Variants in C2CD3 observed in about 807,000 individuals in gnomAD.
C2CD3 encodes the protein C2 domain-containing protein 3.
A neutral mutation model predicts 234.0 loss-of-function variants in C2CD3; 148 were observed. That is an observed-to-expected ratio of 0.63 (90% CI 0.55 to 0.72). The LOEUF is 0.72. C2CD3 is among the 30% of genes least tolerant of loss of function. The pLI, the probability that C2CD3 is intolerant of heterozygous loss-of-function variation, is 0.00. For synonymous variants in C2CD3, 1,000 were observed against 1,035.4 expected (o/e 0.97, Z 0.66); for missense variants, 2,577 against 2,811.5 (o/e 0.92, Z 1.89).
intron 1 of C2CD3, among the ~76,000 whole-genome samples, chr11:74,169,976 C>A (rs1000898592): frequency 6.6e-6 from 1 of 152,138 alleles, no homozygotes; most frequent in Non-Finnish European, 1.5e-5. Context: ...TGTCCTTTTT[C>A]CCTTCGAGGC....
intron 2 of C2CD3, among the ~76,000 whole-genome samples, chr11:74,163,801 A>G (rs187766240): frequency 6.6e-6 from 1 of 152,358 alleles, no homozygotes; most frequent in East Asian, 1.9e-4. Context: ...TCTGAAAGTC[A>G]TATGAGCAAA....
chr11:74,148,394 ATATCT>A (rs1473680992), intron 3 of C2CD3, among the ~76,000 whole-genome samples: 1 of 151,636 alleles, frequency 6.6e-6, no homozygotes, highest in Non-Finnish European at 1.5e-5. Flanking sequence ...ATATACATAA[ATATCT>A]TATATATGTA....
chr11:74,149,369 T>A lies in C2CD3; in HGVS notation c.484-9541A>T, dbSNP rs539225076. ...CTCATTTGCTTAGTTAAAAAAAAAA[T>A]TTTTTTTTCTTTTTAGAGATCAGGT... On this transcript the variant is annotated intron_variant, in intron 3 of 32. Coordinates refer to ENST00000334126, the MANE Select transcript of C2CD3 (RefSeq NM_001286577.2). 3.9e-5 allele frequency among the ~76,000 whole-genome samples: 6 copies of A among 152,004 alleles called. No individual in the cohort carries two copies. In the East Asian group the frequency reaches 5.8e-4, roughly 15 times the overall value.
intron 22 of C2CD3, among the ~76,000 whole-genome samples, chr11:74,083,046 T>A (rs1955463537): frequency 6.6e-6 from 1 of 152,142 alleles, no homozygotes; most frequent in Non-Finnish European, 1.5e-5. Context: ...CAAACTATAC[T>A]ACAAGGCTAC....
At chr11:74,117,913 CAAAA>C (rs1262165951) in intron 9 of C2CD3, among the ~76,000 whole-genome samples, 2 of 65,980 alleles carry the variant, frequency 3.0e-5, no homozygotes. Flanking sequence ...AACTCCGTCT[CAAAA>C]AAAAAAAAAA....
intron 1 of C2CD3, among the ~76,000 whole-genome samples, chr11:74,169,999 A>T (rs754328762): frequency 3.3e-5 from 5 of 152,054 alleles, no homozygotes; most frequent in Non-Finnish European, 7.4e-5. Context: ...TCTTGTAGAG[A>T]TTCAATGTCA....
chr11:74,081,684 C>T (rs947732310), intron 22 of C2CD3, among the ~76,000 whole-genome samples: 4 of 152,164 alleles, frequency 2.6e-5, no homozygotes, highest in Non-Finnish European at 5.9e-5. Context: ...AGTATAATGT[C>T]TTGAGCTTCT....
At chr11:74,157,499 T>C (rs1856112943) in intron 3 of C2CD3, among the ~76,000 whole-genome samples, 1 of 152,188 alleles carries the variant, frequency 6.6e-6, no homozygotes, top group South Asian at 2.1e-4. Flanking sequence ...TAAATGAGAA[T>C]AGGATAAAAA....
chr11:74,044,918 G>A (rs1953287651), intron 28 of C2CD3, among the ~76,000 whole-genome samples: 1 of 151,608 alleles, frequency 6.6e-6, no homozygotes, highest in South Asian at 2.1e-4. Context: ...GGCTGTGAGA[G>A]TTTTTAATTT....
intron 23 of C2CD3, among the ~76,000 whole-genome samples, chr11:74,076,657 C>A (rs1955055090): frequency 6.6e-6 from 1 of 152,222 alleles, no homozygotes; most frequent in Admixed American, 6.5e-5. Flanking sequence ...ACTTCCCAAT[C>A]TATGTATCCT....
intron 24 of C2CD3, among the ~76,000 whole-genome samples, chr11:74,060,763 C>A (rs989993735): frequency 1.3e-5 from 2 of 152,190 alleles, no homozygotes; most frequent in South Asian, 4.1e-4. Flanking sequence ...CAAAGTTGGA[C>A]GGAGAATGAC....
At chr11:74,127,229 A>G (rs567902277) in intron 7 of C2CD3, among the ~76,000 whole-genome samples, 56 of 151,558 alleles carry the variant, frequency 3.7e-4, no homozygotes, top group Non-Finnish European at 6.8e-4. Flanking sequence ...CTGGTCTTGA[A>G]CTCCTGAGCT....
chr11:74,013,598 A>G, intron 32 of C2CD3, 73 bp from the exon 33 acceptor site: 2 of 961,194 alleles, frequency 2.1e-6, no homozygotes, highest in Non-Finnish European at 2.7e-6. Context: ...GGTTTCTCTC[A>G]TCTTTTGGTC....
At chr11:74,056,441 G>A (rs1175949464) in intron 25 of C2CD3, among the ~76,000 whole-genome samples, 1 of 152,002 alleles carries the variant, frequency 6.6e-6, no homozygotes, top group African/African-American at 2.4e-5. Context: ...CCTATTTTTT[G>A]AGCCTCCCAA....
chr11:74,026,300 C>A (rs1019276722), intron 32 of C2CD3, among the ~76,000 whole-genome samples: 1 of 150,130 alleles, frequency 6.7e-6, no homozygotes, highest in South Asian at 2.1e-4. Flanking sequence ...GTGTGAGACC[C>A]TGTCTCAAGG....
chr11:74,077,040 A>G (rs556475931), intron 23 of C2CD3, among the ~76,000 whole-genome samples: 14 of 152,150 alleles, frequency 9.2e-5, no homozygotes, highest in Non-Finnish European at 1.8e-4. Context: ...CAAATGTTTG[A>G]AAGAAAAGCA....
intron 28 of C2CD3, among the ~76,000 whole-genome samples, chr11:74,047,532 T>C (rs1202166519): frequency 1.3e-5 from 2 of 152,216 alleles, no homozygotes; most frequent in South Asian, 2.1e-4. Flanking sequence ...TAGAAAACTA[T>C]GTAGCCCTGA....
chr11:74,054,619 A>G lies in C2CD3; in HGVS notation c.5143T>C (p.Trp1715Arg), dbSNP rs745530467. ...DPQQTLVFKV[W>R]HKGDEERVIG... ...ACAGAGTTCATACCTCCTTTATGCC[A>G]AACTTTGAAGACCAGGGTTTGTTGT... The change falls in exon 26 of 33, where the codon TGG becomes CGG. Residue 1715 changes from tryptophan (W) to arginine (R), a missense_variant. Trp to Arg is a moderately radical substitution (Grantham distance 101). Transcript: ENST00000334126. The G allele has an allele frequency of 2.2e-5, 35 of 1,610,576 alleles. No homozygotes were observed. Among genetic ancestry groups the G allele is most frequent in the Non-Finnish European group, 2.9e-5 (34 of 1,177,996 alleles).
At chr11:74,059,566 G>A (rs1954129015) in intron 24 of C2CD3, among the ~76,000 whole-genome samples, 1 of 151,994 alleles carries the variant, frequency 6.6e-6, no homozygotes, top group African/African-American at 2.4e-5. Context: ...CTGTCCCTCT[G>A]GACAGAAAGC....
Sources: gnomAD v4.1 joint callset for allele counts (sites outside exome capture counted in the v4.1 genomes callset) on GRCh38, gnomAD v4.1.1 for gene constraint, MANE v1.5 for transcripts, NCBI Gene and HGNC (gene_info 2026-07-23, HGNC 2026-07-21) for gene names.